The following RIMKLB variants were observed in gnomAD, a reference collection of about 807,000 sequenced individuals.
RIMKLB encodes the protein beta-citrylglutamate synthase B.
RIMKLB carries 7 observed loss-of-function variants against 32.0 expected under a neutral mutation model. That is an observed-to-expected ratio of 0.22 (90% CI 0.12 to 0.41). The LOEUF is 0.41. Among genes scored for constraint, RIMKLB ranks in the 10% least tolerant of loss-of-function variants. RIMKLB has a pLI of 1.00. For missense variants in RIMKLB, 289 were observed against 498.7 expected (o/e 0.58, Z 4.00); for synonymous variants, 172 against 185.1 (o/e 0.93, Z 0.57).
upstream of RIMKLB, among the ~76,000 whole-genome samples, chr12:8,677,475 AC>A: frequency 6.6e-6 from 1 of 152,046 alleles, no homozygotes; most frequent in East Asian, 1.9e-4. Flanking sequence ...TTCTTTCCAC[AC>A]GGCTTCAGCT....
Position 8,716,379 on chromosome 12 carries a change from CTGTT to C in RIMKLB, c.175+2342_175+2345del, listed in dbSNP as rs200545603. Among the ~76,000 whole-genome samples, 654 of 147,694 alleles carry C rather than the reference CTGTT, an allele frequency of 4.4e-3. 9 individuals are homozygous for C. The highest frequency in any genetic ancestry group is 0.014 in the African/African-American group (574 of 40,024). ...TCTTGTTATTTCAGCTTCTCTGTCTCTGTTTGTAATATCACCTTTCTCCCATTAA... is the reference window on the plus strand; with the variant it reads ...TCTTGTTATTTCAGCTTCTCTGTCTCTGTAATATCACCTTTCTCCCATTAA... On this transcript the variant is annotated intron_variant, in intron 2 of 5. Transcript: ENST00000535829.
At chr12:8,710,759 C>G (rs879316495) in intron 1 of RIMKLB, among the ~76,000 whole-genome samples, 2 of 152,068 alleles carry the variant, frequency 1.3e-5, no homozygotes, top group Non-Finnish European at 2.9e-5. Flanking sequence ...TTGCTAGTGA[C>G]TATAACATTC....
the RIMKLB span, among the ~76,000 whole-genome samples, chr12:8,674,392 C>G: frequency 6.6e-6 from 1 of 151,836 alleles, no homozygotes; most frequent in East Asian, 1.9e-4. Flanking sequence ...GTGCCCGCCA[C>G]CACGCCCTGC....
chr12:8,680,697 TC>T (rs1273518485), upstream of RIMKLB, among the ~76,000 whole-genome samples: 1 of 152,278 alleles, frequency 6.6e-6, no homozygotes, highest in East Asian at 1.9e-4. Flanking sequence ...CTGTCTGGGT[TC>T]AGGCATTGAA....
In RIMKLB at chr12:8,774,050, A is replaced by C; in HGVS notation, c.*266A>C. ...TAGTTACCCTTTTAAATTGCTAAAA[A>C]ATGTGTATGCTCATAGGCCATGAGG... On this transcript the variant is annotated 3_prime_UTR_variant, in exon 6 of 6. Coordinates refer to ENST00000535829, the MANE Select transcript of RIMKLB (RefSeq NM_001297776.2). 8.1e-7 allele frequency: 1 copy of C among 1,242,004 alleles called. No individual in the cohort carries two copies. Among genetic ancestry groups the C allele is most frequent in the Non-Finnish European group, 1.0e-6 (1 of 990,498 alleles). The allele number at this position is 1,242,004 out of a possible 1,614,324, so 76.9% of individuals were successfully genotyped here. A position where few individuals can be genotyped will look rare whatever the true frequency, so the allele number is the denominator to read the frequency against.
chr12:8,724,413 GTTA>G (rs1423042412), intron 2 of RIMKLB, among the ~76,000 whole-genome samples: 1 of 152,068 alleles, frequency 6.6e-6, no homozygotes, highest in Non-Finnish European at 1.5e-5. Flanking sequence ...TTTGCAGTAT[GTTA>G]TTATTTGATG....
At chr12:8,705,089 G>A (rs980720847) in intron 1 of RIMKLB, among the ~76,000 whole-genome samples, 2 of 152,038 alleles carry the variant, frequency 1.3e-5, no homozygotes, top group African/African-American at 2.4e-5. Context: ...AAGCATGGAC[G>A]AATATAATGT....
intron 5 of RIMKLB, among the ~76,000 whole-genome samples, chr12:8,766,960 T>C (rs1950021634): frequency 6.6e-6 from 1 of 152,260 alleles, no homozygotes; most frequent in Non-Finnish European, 1.5e-5. Flanking sequence ...CTTTTAGCAA[T>C]GCAGTTGCCG....
In RIMKLB at chr12:8,735,533, AT is replaced by A. The variant is rs761766239; in HGVS notation, c.176-14317del. Among the ~76,000 whole-genome samples, 339 of 146,708 alleles carry A rather than the reference AT, an allele frequency of 2.3e-3. 1 individual carries two copies. The highest frequency in any genetic ancestry group is 2.8e-3 in the Admixed American group (41 of 14,664). On this transcript the variant is annotated intron_variant, in intron 2 of 5. Transcript: ENST00000535829. The stretch of plus-strand genomic sequence containing the variant: ...GCGTGAGCCACTGTGCTCAGCCTAA[AT>A]TTTTTTTTTTTAATGTAAATACCAA...
chr12:8,750,823 C>T (rs1948563211), intron 3 of RIMKLB, among the ~76,000 whole-genome samples: 1 of 152,098 alleles, frequency 6.6e-6, no homozygotes, highest in East Asian at 1.9e-4. Context: ...CTGCTTTAAA[C>T]AATATTTTGC....
At chr12:8,741,928 T>G in intron 2 of RIMKLB, among the ~76,000 whole-genome samples, 1 of 151,684 alleles carries the variant, frequency 6.6e-6, no homozygotes, top group Admixed American at 6.5e-5. Context: ...GAGAGCTTTT[T>G]TTTTTGTTTT....
At chr12:8,706,683 CCTCA>C (rs1443234553) in intron 1 of RIMKLB, among the ~76,000 whole-genome samples, 3 of 151,976 alleles carry the variant, frequency 2.0e-5, no homozygotes, top group East Asian at 3.9e-4. Flanking sequence ...AAACTCCTGA[CCTCA>C]GGTGATCCCG....
chr12:8,742,741 G>T, intron 2 of RIMKLB: 1 of 238,426 alleles, frequency 4.2e-6, no homozygotes, highest in South Asian at 5.9e-5. Flanking sequence ...CTGGTTGCTT[G>T]ACTCTTGGAA....
At chr12:8,698,695 C>T (rs1479659536) in intron 1 of RIMKLB, among the ~76,000 whole-genome samples, 2 of 145,076 alleles carry the variant, frequency 1.4e-5, no homozygotes, top group Non-Finnish European at 3.1e-5. Flanking sequence ...GGGATTGCGG[C>T]GACACTCCCC....
Position 8,707,538 on chromosome 12 carries a change from G to A in RIMKLB, c.-56-6273G>A, listed in dbSNP as rs147228811. Among the ~76,000 whole-genome samples, 20 of 152,224 alleles carry A rather than the reference G, an allele frequency of 1.3e-4. No individual in the cohort carries two copies. The East Asian group carries it at 2.1e-3, about 16-fold the overall frequency. ...TCCTTTTGGGTTTTTTGGAGACTTC[G>A]TTACACAGGCATGATTGATTAAACC... On this transcript the variant is annotated intron_variant, in intron 1 of 5. Transcript: ENST00000535829.
At chr12:8,720,281 T>A (rs1304595363) in intron 2 of RIMKLB, among the ~76,000 whole-genome samples, 1 of 152,266 alleles carries the variant, frequency 6.6e-6, no homozygotes, top group Non-Finnish European at 1.5e-5. Flanking sequence ...ACATTCTTTT[T>A]CTTAGTTTCT....
At chr12:8,742,298 A>G (rs2137531867) in intron 2 of RIMKLB, 1 of 157,742 alleles carries the variant, frequency 6.3e-6, no homozygotes, top group East Asian at 1.9e-4. Context: ...GTGGATTTTA[A>G]TGCTTTTCAT....
chr12:8,712,928 A>G (rs797006434), intron 1 of RIMKLB, among the ~76,000 whole-genome samples: 1 of 152,078 alleles, frequency 6.6e-6, no homozygotes, highest in Non-Finnish European at 1.5e-5. Context: ...GGTAAACATT[A>G]AAAAAAATCG....
chr12:8,680,814 TA>T (rs1470672898), upstream of RIMKLB, among the ~76,000 whole-genome samples: 1 of 152,200 alleles, frequency 6.6e-6, no homozygotes. Context: ...AAATGCCAAT[TA>T]CGGCAGATTT....
Sources: gnomAD v4.1 joint callset for allele counts (sites outside exome capture counted in the v4.1 genomes callset) on GRCh38, gnomAD v4.1.1 for gene constraint, MANE v1.5 for transcripts, NCBI Gene and HGNC (gene_info 2026-07-23, HGNC 2026-07-21) for gene names.